HEMGN: variants seen among roughly 807,000 people sequenced by gnomAD.
The protein encoded by HEMGN is hemogen.
A neutral mutation model predicts 45.7 loss-of-function variants in HEMGN; 32 were observed. The observed-to-expected ratio is 0.70, with a 90% CI of 0.53 to 0.94. The LOEUF is 0.94. Among genes scored for constraint, HEMGN ranks in the 40% least tolerant of loss-of-function variants. The pLI is 0.00. For missense variants in HEMGN, 530 were observed against 564.2 expected (o/e 0.94, Z 0.61); for synonymous variants, 183 against 178.6 (o/e 1.02, Z -0.20).
At chr9:97,928,164 C>T (rs1192442917) in intron 3 of HEMGN, among the ~76,000 whole-genome samples, 1 of 151,904 alleles carries the variant, frequency 6.6e-6, no homozygotes, top group Non-Finnish European at 1.5e-5. Flanking sequence ...GTAGCTGGGA[C>T]TACAGGCGCC....
In HEMGN at chr9:97,927,382, T is replaced by A. The variant is rs1826846761; in HGVS notation, c.*2A>T. The A allele has an allele frequency of 6.4e-7, 1 of 1,555,558 alleles. No individual in the cohort carries two copies. ...GGACCACAACTTTATGGTTGAGCATTGTTAAAACAAAACATAACTATAGAC... is the reference window on the plus strand; with the variant it reads ...GGACCACAACTTTATGGTTGAGCATAGTTAAAACAAAACATAACTATAGAC... On this transcript the variant is annotated 3_prime_UTR_variant, in exon 4 of 4. Transcript: ENST00000616898.
At chr9:97,935,069 T>C (rs1407426108) in intron 2 of HEMGN, among the ~76,000 whole-genome samples, 1 of 152,222 alleles carries the variant, frequency 6.6e-6, no homozygotes, top group East Asian at 1.9e-4. Flanking sequence ...CTGAAGGCTT[T>C]TTCTTTCCAG....
chr9:97,942,990 A>G (rs1205912185), upstream of HEMGN, among the ~76,000 whole-genome samples: 6 of 152,230 alleles, frequency 3.9e-5, no homozygotes, highest in Non-Finnish European at 5.9e-5. Flanking sequence ...ACCATATTAT[A>G]TGAAAGCATA....
chr9:97,929,071 C>T (rs1441478337), intron 3 of HEMGN, among the ~76,000 whole-genome samples: 1 of 152,128 alleles, frequency 6.6e-6, no homozygotes, highest in African/African-American at 2.4e-5. Flanking sequence ...TTTGGTCAAA[C>T]AAAGCCAAAA....
intron 2 of HEMGN, among the ~76,000 whole-genome samples, chr9:97,935,671 C>T (rs1230391752): frequency 6.6e-6 from 1 of 152,208 alleles, no homozygotes; most frequent in Non-Finnish European, 1.5e-5. Context: ...TACCCCCTTC[C>T]TGCATTTACA....
chr9:97,928,382 G>A (rs1367525109), intron 3 of HEMGN, among the ~76,000 whole-genome samples: 1 of 152,198 alleles, frequency 6.6e-6, no homozygotes, highest in East Asian at 1.9e-4. Context: ...ATGTCATAAT[G>A]TACAGTGCTG....
intron 3 of HEMGN, among the ~76,000 whole-genome samples, chr9:97,928,759 C>T (rs1029898375): frequency 1.3e-5 from 2 of 152,150 alleles, no homozygotes; most frequent in African/African-American, 4.8e-5. Context: ...TTGGCAGTAA[C>T]CTAAGTGTTC....
At chr9:97,936,688 G>A (rs1827066984) in intron 1 of HEMGN, among the ~76,000 whole-genome samples, 1 of 152,048 alleles carries the variant, frequency 6.6e-6, no homozygotes, top group Non-Finnish European at 1.5e-5. Flanking sequence ...TATTAAGCTA[G>A]CGTTATATTA....
chr9:97,940,744 C>G (rs944856059), upstream of HEMGN, among the ~76,000 whole-genome samples: 3 of 152,132 alleles, frequency 2.0e-5, no homozygotes, highest in African/African-American at 7.2e-5. Flanking sequence ...GGCCACAAAC[C>G]CTTAGAGAGC....
At chr9:97,937,330 T>G (rs2131557161) in intron 1 of HEMGN, among the ~76,000 whole-genome samples, 1 of 152,266 alleles carries the variant, frequency 6.6e-6, no homozygotes, top group South Asian at 2.1e-4. Flanking sequence ...ACCTAGGTAT[T>G]AAGCCCAGCA....
At chr9:97,933,037 T>C (rs535633976) in intron 2 of HEMGN, among the ~76,000 whole-genome samples, 56 of 152,202 alleles carry the variant, frequency 3.7e-4, no homozygotes, top group Non-Finnish European at 7.1e-4. Flanking sequence ...AGTAATGTAA[T>C]AGTCCATGTC....
chr9:97,940,355 T>C (rs913153772), upstream of HEMGN, among the ~76,000 whole-genome samples: 1 of 152,134 alleles, frequency 6.6e-6, no homozygotes, highest in Non-Finnish European at 1.5e-5. Flanking sequence ...CCCTGCCCCA[T>C]GTTCCCTGTA....
At chr9:97,936,069 G>T in intron 2 of HEMGN, 102 bp downstream of exon 2, 1 of 792,318 alleles carries the variant, frequency 1.3e-6, no homozygotes, top group Non-Finnish European at 2.1e-6. Flanking sequence ...TTACAGGATT[G>T]TTGGAAAGAT....
At chr9:97,935,312 G>T (rs1827039009) in intron 2 of HEMGN, among the ~76,000 whole-genome samples, 1 of 152,164 alleles carries the variant, frequency 6.6e-6, no homozygotes, top group African/African-American at 2.4e-5. Context: ...TAAATTAGTG[G>T]TTCTCAACTG....
At position 97,930,275 on chromosome 9, in the gene HEMGN, T is replaced by C; in HGVS notation, c.1120A>G (p.Ile374Val). The change falls in exon 3 of 4, where the codon ATA becomes GTA. Residue 374 changes from isoleucine (I) to valine (V), a missense_variant. By Grantham distance (29) the Ile-to-Val change is conservative. Coordinates refer to ENST00000616898, the MANE Select transcript of HEMGN (RefSeq NM_197978.3). ...GGTGAATATTCTTCAAGCCCAGGTA[T>C]TTCTTGATACGTTTCAGGTGAATAT... Reference protein sequence around the residue: ...EKYSPETYQEIPGLEEYSPEI... With the variant: ...EKYSPETYQEVPGLEEYSPEI... The C allele has an allele frequency of 6.2e-7, 1 of 1,614,204 alleles. No individual in the cohort carries two copies.
rs1190125303 is a variant in HEMGN at position 97,927,095 on chromosome 9, C to T, written c.*289G>A. ...AAATAAATGTTCTTAGGGGGGAAAA[C>T]CAATTATCCAGTCCTCCCCGCTTCC... On this transcript the variant is annotated 3_prime_UTR_variant, in exon 4 of 4. Transcript: ENST00000616898. The T allele has an allele frequency of 9.1e-6, 2 of 219,222 alleles. No individual in the cohort carries two copies. Among genetic ancestry groups the T allele is most frequent in the Non-Finnish European group, 1.8e-5 (2 of 112,758 alleles). The allele number at this position is 219,222 out of a possible 1,614,324, so 13.6% of individuals were successfully genotyped here. A position where few individuals can be genotyped will look rare whatever the true frequency, so the allele number is the denominator to read the frequency against.
intron 3 of HEMGN, 40 bp downstream of exon 3, chr9:97,929,995 G>A: frequency 7.0e-7 from 1 of 1,432,616 alleles, no homozygotes; most frequent in South Asian, 1.2e-5. Context: ...CACTACTCTG[G>A]GGGAGATGTA....
rs751768399 is a variant in HEMGN at position 97,931,072 on chromosome 9, GT to G, written c.322del (p.Thr108LeufsTer7). On this transcript the variant is annotated frameshift_variant, in exon 3 of 4. Transcript: ENST00000616898. LOFTEE classifies it high-confidence loss of function. ...TTTGGTTATGCTCCCAGGTGGCTCA[GT>G]TTTTTTCTCTATAGGTGCCAGTGCT... Reference protein sequence around the residue: ...EKALAPIEKKTEPPGSITKVF... With the variant: ...EKALAPIEKKXEPPGSITKVF... 5.6e-6 allele frequency: 9 copies of G among 1,613,952 alleles called. No individual in the cohort carries two copies. The highest frequency in any genetic ancestry group is 1.3e-5 in the African/African-American group (1 of 74,902).
At chr9:97,934,612 G>A (rs1379840408) in intron 2 of HEMGN, among the ~76,000 whole-genome samples, 1 of 151,908 alleles carries the variant, frequency 6.6e-6, no homozygotes, top group African/African-American at 2.4e-5. Flanking sequence ...CCTGCCACAG[G>A]ACCCTAATAC....
Sources: allele counts gnomAD v4.1 joint callset (sites outside exome capture counted in the v4.1 genomes callset), GRCh38; gene constraint gnomAD v4.1.1; transcripts MANE v1.5; gene names NCBI Gene and HGNC (gene_info 2026-07-23, HGNC 2026-07-21).